LGR6: variants seen among roughly 807,000 people sequenced by gnomAD.
The protein encoded by LGR6 is leucine rich repeat containing G protein-coupled receptor 6.
LGR6 carries 45 observed loss-of-function variants against 69.4 expected under a neutral mutation model. The ratio of observed to expected loss-of-function variants is 0.65; its 90% confidence interval spans 0.51 to 0.83. LGR6 has a LOEUF of 0.83. Ranked by LOEUF, LGR6 falls within the 40% of genes least tolerant of loss-of-function variation. The pLI, the probability that LGR6 is intolerant of heterozygous loss-of-function variation, is 0.00. For synonymous variants in LGR6, 538 were observed against 555.0 expected, an observed-to-expected ratio of 0.97 and a Z score of 0.43; for missense variants, 1,108 against 1,246.7, an observed-to-expected ratio of 0.89 and a Z score of 1.68.
At chr1:202,235,837 C>A in intron 3 of LGR6, 85 bp from the exon 4 acceptor site, 1 of 1,152,382 alleles carries the variant, frequency 8.7e-7, no homozygotes, top group Non-Finnish European at 1.3e-6. Context: ...TGGCTTGGGA[C>A]TGGGGGTTCA....
chr1:202,252,303 C>A (rs1267662461), intron 4 of LGR6, among the ~76,000 whole-genome samples: 3 of 152,162 alleles, frequency 2.0e-5, no homozygotes, highest in Admixed American at 2.0e-4. Context: ...TTCTGCCAAG[C>A]CTTGACTATA....
At chr1:202,217,472 C>A (rs74837976) in intron 1 of LGR6, among the ~76,000 whole-genome samples, 32 of 143,428 alleles carry the variant, frequency 2.2e-4, no homozygotes, top group African/African-American at 5.1e-4. Context: ...AAACAAAAAA[C>A]CCCACCTTTT....
chr1:202,251,900 A>G (rs1171737462), intron 4 of LGR6, among the ~76,000 whole-genome samples: 1 of 151,918 alleles, frequency 6.6e-6, no homozygotes, highest in African/African-American at 2.4e-5. Flanking sequence ...GAGGAGGGAG[A>G]AGGAGGACTG....
At chr1:202,217,979 G>C (rs77120344) in intron 1 of LGR6, among the ~76,000 whole-genome samples, 4,222 of 152,290 alleles carry the variant, frequency 0.028, 194 homozygotes, top group African/African-American at 0.096. Flanking sequence ...CAAAAAATCT[G>C]AGACAACTTT....
intron 4 of LGR6, among the ~76,000 whole-genome samples, chr1:202,271,565 G>C (rs1665100358): frequency 6.6e-6 from 1 of 152,142 alleles, no homozygotes; most frequent in Non-Finnish European, 1.5e-5. Context: ...CCAGCACTTT[G>C]GGAGGCTGAG....
rs777927593 is a variant in LGR6, at chr1:202,318,819, G to T, written c.2516G>T (p.Arg839Leu). The T allele has an allele frequency of 6.2e-7, 1 of 1,613,272 alleles. No homozygotes were observed. Among genetic ancestry groups the T allele is most frequent in the Non-Finnish European group, 8.5e-7 (1 of 1,179,742 alleles). The change falls in exon 18 of 18, where the codon CGG becomes CTG. Residue 839 changes from arginine to leucine, a missense_variant. By Grantham distance (102) the Arg-to-Leu change is moderately radical. Transcript: ENST00000367278. Reference protein sequence around the residue: ...LFNPHFRDDLRRLRPRAGDSG... With the variant: ...LFNPHFRDDLLRLRPRAGDSG... ...AACCCCCACTTCCGGGATGACCTTC[G>T]GCGGCTTCGGCCCCGCGCAGGGGAC...
At chr1:202,302,462 G>A (rs985573219) in intron 9 of LGR6, among the ~76,000 whole-genome samples, 10 of 152,212 alleles carry the variant, frequency 6.6e-5, no homozygotes, top group African/African-American at 2.2e-4. Flanking sequence ...GCCCCATGTG[G>A]GTCCGTGTCC....
At chr1:202,204,653 A>G (rs201296436) in intron 1 of LGR6, among the ~76,000 whole-genome samples, 991 of 32,750 alleles carry the variant, frequency 0.03, no homozygotes, top group South Asian at 0.041. Flanking sequence ...ACACACACAC[A>G]CCTCCAAACA....
chr1:202,220,728 C>CAG (rs3062583), intron 1 of LGR6, among the ~76,000 whole-genome samples: 115,970 of 151,860 alleles, frequency 0.76, 45,848 homozygotes, highest in East Asian at 0.94. Context: ...ACTGTGGGGA[C>CAG]GGGGTTCTGG....
At chr1:202,231,866 G>A (rs371350435) in intron 3 of LGR6, among the ~76,000 whole-genome samples, 2 of 152,330 alleles carry the variant, frequency 1.3e-5, no homozygotes, top group East Asian at 1.9e-4. Flanking sequence ...GCCAAGGCAG[G>A]TGGATAACCT....
intron 1 of LGR6, 61 bp from the exon 2 acceptor site, chr1:202,225,362 A>G: frequency 6.7e-7 from 1 of 1,484,186 alleles, no homozygotes; most frequent in Non-Finnish European, 9.4e-7. Flanking sequence ...TGGCACCTGG[A>G]CAGTGCCAGA....
At chr1:202,223,903 G>A (rs1218286404) in intron 1 of LGR6, among the ~76,000 whole-genome samples, 1 of 146,716 alleles carries the variant, frequency 6.8e-6, no homozygotes, top group Non-Finnish European at 1.5e-5. Context: ...CTTGCCCACA[G>A]GACCCCGAGG....
At chr1:202,304,378 A>G (rs1465678980) in intron 10 of LGR6, among the ~76,000 whole-genome samples, 181 bp from the exon 11 acceptor site, 1 of 151,988 alleles carries the variant, frequency 6.6e-6, no homozygotes, top group Non-Finnish European at 1.5e-5. Flanking sequence ...TGGTGCTCAG[A>G]TGCCAGTGTC....
rs973491443 is a variant in LGR6, at chr1:202,194,015, C to T, written c.26C>T (p.Ala9Val). Residue 9 changes from alanine to valine, a missense_variant, in exon 1 of 18, where the codon GCG becomes GTG. By Grantham distance (64) the Ala-to-Val change is moderately conservative. Coordinates refer to ENST00000367278, the MANE Select transcript of LGR6 (RefSeq NM_001017403.2). The stretch of plus-strand genomic sequence containing the variant: ...ATGCCCAGCCCGCCGGGGCTCCGGG[C>T]GCTATGGCTTTGCGCCGCGCTGTGC... MPSPPGLR[A>V]LWLCAALCAS... 7.9e-6 allele frequency: 11 copies of T among 1,386,834 alleles called. No homozygotes were observed. The highest frequency in any genetic ancestry group is 1.6e-5 in the South Asian group (1 of 63,384). The allele number at this position is 1,386,834 out of a possible 1,614,324, so 85.9% of individuals were successfully genotyped here.
chr1:202,214,066 C>T (rs886323598), intron 1 of LGR6: 8 of 1,366,262 alleles, frequency 5.9e-6, no homozygotes, highest in East Asian at 3.1e-5. Flanking sequence ...GAAGGGCATA[C>T]GAGAGAAGCG....
chr1:202,259,710 C>A (rs1044911392), intron 4 of LGR6, among the ~76,000 whole-genome samples: 6 of 152,026 alleles, frequency 3.9e-5, no homozygotes, highest in Admixed American at 3.9e-4. Flanking sequence ...CCCCCTTTCC[C>A]TCCCTCTCTC....
intron 4 of LGR6, among the ~76,000 whole-genome samples, chr1:202,269,854 C>T (rs1351119306): frequency 6.6e-6 from 1 of 152,178 alleles, no homozygotes; most frequent in Non-Finnish European, 1.5e-5. Context: ...TTAAAGTCAG[C>T]CTGCACTCAG....
chr1:202,287,992 A>G (rs891081579), intron 6 of LGR6, among the ~76,000 whole-genome samples: 1 of 151,890 alleles, frequency 6.6e-6, no homozygotes, highest in Non-Finnish European at 1.5e-5. Context: ...GTGATTCCTC[A>G]TCATACTCCA....
In LGR6 at chr1:202,194,122, G is replaced by A. The variant is rs1456892917; in HGVS notation, c.133G>A (p.Gly45Ser). The A allele has an allele frequency of 1.3e-6, 2 of 1,559,332 alleles. No individual in the cohort carries two copies. Among genetic ancestry groups the A allele is most frequent in the Non-Finnish European group, 1.7e-6 (2 of 1,162,268 alleles). Residue 45 changes from glycine to serine, a missense_variant, in exon 1 of 18, where the codon GGC becomes AGC. Coordinates refer to ENST00000367278, the MANE Select transcript of LGR6 (RefSeq NM_001017403.2). ...GGCCCCCTGCCACTGCCAGGAGGAC[G>A]GCATCATGCTGTCTGCCGACTGCTC... is the stretch of plus-strand genomic sequence containing the variant. ...CPAPCHCQED[G>S]IMLSADCSEL...
Sources: gnomAD v4.1 joint callset for allele counts (sites outside exome capture counted in the v4.1 genomes callset) on GRCh38, gnomAD v4.1.1 for gene constraint, MANE v1.5 for transcripts, NCBI Gene and HGNC (gene_info 2026-07-23, HGNC 2026-07-21) for gene names.